LCOR: variants seen among roughly 807,000 people sequenced by gnomAD.
LCOR encodes ligand dependent nuclear receptor corepressor.
Under a neutral mutation model 64.4 loss-of-function variants are expected in LCOR, and 14 were observed. That is an observed-to-expected ratio of 0.22 (90% CI 0.14 to 0.34). The LOEUF (loss-of-function observed/expected upper bound fraction) is 0.34, where lower values mean the gene tolerates loss of function less well. LCOR is among the 10% of genes least tolerant of loss of function. LCOR has a pLI of 1.00. For synonymous variants in LCOR, 643 were observed against 642.5 expected (o/e 1.00, Z -0.01); for missense variants, 1,686 against 1,765.3 (o/e 0.96, Z 0.80).
At chr10:96,943,122 C>T (rs932869683) in intron 4 of LCOR, among the ~76,000 whole-genome samples, 1 of 144,616 alleles carries the variant, frequency 6.9e-6, no homozygotes, top group African/African-American at 2.6e-5. Flanking sequence ...GTTTTTGAGA[C>T]AAAGTCTTGC....
Position 96,907,342 on chromosome 10 carries a change from A to G in LCOR, c.-264+12A>G. On this transcript the variant is annotated intron_variant, in intron 3 of 7. Coordinates refer to ENST00000421806, the MANE Select transcript of LCOR (RefSeq NM_001346516.2). ...CAGTTTATTTAAAGGTATTCAAAAT[A>G]TTTTTGGTATTTCAAATTCTTCCTG... 1.1e-6 allele frequency: 1 copy of G among 941,308 alleles called. No homozygotes were observed. Among genetic ancestry groups the G allele is most frequent in the Non-Finnish European group, 1.3e-6 (1 of 789,434 alleles). The allele number at this position is 941,308 out of a possible 1,614,324, so 58.3% of individuals were successfully genotyped here. A position where few individuals can be genotyped will look rare whatever the true frequency, so the allele number is the denominator to read the frequency against.
intron 2 of LCOR, among the ~76,000 whole-genome samples, chr10:96,906,198 CT>C (rs1381555054): frequency 1.3e-5 from 2 of 152,148 alleles, no homozygotes; most frequent in African/African-American, 4.8e-5. Context: ...CACAGTGCCC[CT>C]AGCTACTAGG....
intron 2 of LCOR, among the ~76,000 whole-genome samples, chr10:96,864,766 C>T (rs915095208): frequency 1.3e-5 from 2 of 152,110 alleles, no homozygotes; most frequent in African/African-American, 4.8e-5. Flanking sequence ...ATTGTGTTAC[C>T]ATTGCCGACA....
At chr10:96,938,723 T>G (rs942240763) in intron 4 of LCOR, among the ~76,000 whole-genome samples, 32 of 152,180 alleles carry the variant, frequency 2.1e-4, no homozygotes, top group African/African-American at 7.2e-4. Flanking sequence ...ATAATTGTAT[T>G]GCTATACACT....
intron 2 of LCOR, among the ~76,000 whole-genome samples, chr10:96,856,781 CT>C (rs1845812064): frequency 6.6e-6 from 1 of 151,630 alleles, no homozygotes; most frequent in South Asian, 2.1e-4. Flanking sequence ...CCAGCTAATA[CT>C]GTTTTTTCTC....
At position 96,942,131 on chromosome 10, in the gene LCOR, T is replaced by C. The variant is rs28506785; in HGVS notation, c.-183-1982T>C. Reference sequence around the variant, plus strand: ...GTTGTAGCGAGCCGAGATCACGCCATTGCACTCCAGCCTGGGCACCATTGA... The same window carrying C: ...GTTGTAGCGAGCCGAGATCACGCCACTGCACTCCAGCCTGGGCACCATTGA... On this transcript the variant is annotated intron_variant, in intron 4 of 7. Transcript: ENST00000421806. Among the ~76,000 whole-genome samples the C allele has an allele frequency of 3.8e-3, 468 of 122,068 alleles. 1 individual carries two copies. The highest frequency in any genetic ancestry group is 4.9e-3 in the African/African-American group (165 of 33,368). 80.1% of individuals were successfully genotyped at this position (122,068 alleles called of 152,430 possible).
intron 2 of LCOR, among the ~76,000 whole-genome samples, chr10:96,905,648 C>G (rs1461812274): frequency 6.6e-6 from 1 of 151,982 alleles, no homozygotes; most frequent in Non-Finnish European, 1.5e-5. Flanking sequence ...GAGAGGGGAC[C>G]ATAGCAATTT....
chr10:96,851,091 G>A (rs1041914279), intron 2 of LCOR, among the ~76,000 whole-genome samples: 5 of 152,154 alleles, frequency 3.3e-5, no homozygotes, highest in Non-Finnish European at 5.9e-5. Flanking sequence ...CCATTATTAC[G>A]CTAACAGAAA....
intron 2 of LCOR, among the ~76,000 whole-genome samples, chr10:96,886,517 A>G (rs1351393337): frequency 6.6e-6 from 1 of 152,240 alleles, no homozygotes; most frequent in African/African-American, 2.4e-5. Context: ...AAAACGTTCA[A>G]CAACTTATAG....
At chr10:96,871,422 T>C (rs1222355098) in intron 2 of LCOR, among the ~76,000 whole-genome samples, 5 of 151,986 alleles carry the variant, frequency 3.3e-5, no homozygotes, top group Non-Finnish European at 5.9e-5. Context: ...TTTACTTTTT[T>C]CTTTTTTTGA....
rs761006862 is a variant in LCOR, at chr10:96,954,908, A to G, written c.332+2712A>G. On this transcript the variant is annotated intron_variant, in intron 7 of 7. Coordinates refer to ENST00000421806, the MANE Select transcript of LCOR (RefSeq NM_001346516.2). The stretch of plus-strand genomic sequence containing the variant: ...GTGGTCCCCTCACCCATCCCTCCCT[A>G]CCTGTGCAAGTCCTGCTCACATCAG... The G allele has an allele frequency of 2.6e-6, 4 of 1,551,012 alleles. No homozygotes were observed. In the African/African-American group the frequency reaches 4.1e-5, roughly 16 times the overall value.
In LCOR at chr10:96,985,153, A is replaced by G. The variant is rs776980888; in HGVS notation, c.*19A>G. On this transcript the variant is annotated 3_prime_UTR_variant, in exon 8 of 8. Transcript: ENST00000421806. ...AAAGTGATTGGAAAGATGGTAGCCA[A>G]GAGTAAAACTGTTCTATAGAAGTAA... 20 of 1,574,356 alleles carry G rather than the reference A, an allele frequency of 1.3e-5. No homozygotes were observed. Among genetic ancestry groups the G allele is most frequent in the Non-Finnish European group, 1.6e-5 (19 of 1,165,250 alleles).
chr10:96,834,185 G>A (rs746421848), intron 2 of LCOR, among the ~76,000 whole-genome samples: 4 of 152,184 alleles, frequency 2.6e-5, no homozygotes, highest in Non-Finnish European at 5.9e-5. Flanking sequence ...GATTTAGACT[G>A]TAACACCGAA....
intron 2 of LCOR, among the ~76,000 whole-genome samples, chr10:96,838,715 T>G (rs1048187671): frequency 6.6e-6 from 1 of 152,278 alleles, no homozygotes; most frequent in Non-Finnish European, 1.5e-5. Context: ...ACATTTTGTT[T>G]ATCCGTTAAT....
At chr10:96,876,190 A>G (rs1216689440) in intron 2 of LCOR, among the ~76,000 whole-genome samples, 1 of 152,194 alleles carries the variant, frequency 6.6e-6, no homozygotes, top group Non-Finnish European at 1.5e-5. Context: ...TTGAGGAGCC[A>G]TATCTGATGA....
intron 4 of LCOR, among the ~76,000 whole-genome samples, chr10:96,928,680 A>G (rs1288720997): frequency 6.6e-6 from 1 of 152,216 alleles, no homozygotes; most frequent in Non-Finnish European, 1.5e-5. Context: ...GGCATCTAGA[A>G]TGGCAAATCT....
intron 2 of LCOR, among the ~76,000 whole-genome samples, chr10:96,862,368 C>T (rs574994350): frequency 1.8e-3 from 273 of 152,168 alleles, no homozygotes; most frequent in Admixed American, 2.5e-3. Context: ...CGATCTGAAG[C>T]AGTCCTCCCA....
chr10:96,921,503 C>G (rs1349571617), intron 4 of LCOR, among the ~76,000 whole-genome samples: 1 of 151,992 alleles, frequency 6.6e-6, no homozygotes, highest in African/African-American at 2.4e-5. Flanking sequence ...GCTCTATCTC[C>G]CAGGCTGGAG....
intron 4 of LCOR, among the ~76,000 whole-genome samples, chr10:96,937,885 G>A (rs1170071146): frequency 6.6e-6 from 1 of 152,150 alleles, no homozygotes; most frequent in Non-Finnish European, 1.5e-5. Context: ...TATAAAAAGT[G>A]TTATACACCA....
Sources: gnomAD v4.1 joint callset for allele counts (sites outside exome capture counted in the v4.1 genomes callset) on GRCh38, gnomAD v4.1.1 for gene constraint, MANE v1.5 for transcripts, NCBI Gene and HGNC (gene_info 2026-07-23, HGNC 2026-07-21) for gene names.